The following CNTLN variants were observed in gnomAD, a reference collection of about 807,000 sequenced individuals.
CNTLN encodes the protein centlein.
In CNTLN, 212 loss-of-function variants were observed where a neutral mutation model predicts 180.0. The ratio of observed to expected loss-of-function variants is 1.18; its 90% CI spans 1.05 to 1.32. The LOEUF (loss-of-function observed/expected upper bound fraction) is 1.32. CNTLN is among the 40% of genes most tolerant of loss of function. The probability of loss-of-function intolerance (pLI) is 0.00; values close to 1 mark genes in which losing one functional copy is unlikely to be tolerated. For synonymous variants in CNTLN, 722 were observed against 563.1 expected (o/e 1.28, Z -3.99); for missense variants, 2,095 against 1,610.9 (o/e 1.30, Z -5.14).
At chr9:17,464,375 C>T in intron 20 of CNTLN, 122 bp from the exon 21 acceptor site, 1 of 738,488 alleles carries the variant, frequency 1.4e-6, no homozygotes, top group South Asian at 1.9e-5. Flanking sequence ...TACTGATTTA[C>T]AGTGTCAATA....
intron 9 of CNTLN, 125 bp from the exon 10 acceptor site, chr9:17,332,480 T>C (rs1287773219): frequency 3.6e-6 from 3 of 823,290 alleles, no homozygotes; most frequent in East Asian, 3.4e-5. Flanking sequence ...TGGTATTCCA[T>C]GCAGGATTTT....
rs183012491 is a variant in CNTLN at position 17,403,091 on chromosome 9, C to G, written c.2616-6202C>G. On this transcript the variant is annotated intron_variant, in intron 15 of 25. Transcript: ENST00000380647. Reference sequence around the variant, plus strand: ...GAAGGAAAAGTTGGAAGATTGGTGACAGGGAGGTCTGTGGGAAGGTTGGTG... The same window carrying G: ...GAAGGAAAAGTTGGAAGATTGGTGAGAGGGAGGTCTGTGGGAAGGTTGGTG... 2.8e-3 allele frequency among the ~76,000 whole-genome samples: 431 copies of G among 151,662 alleles called. 13 individuals carry two copies. Among genetic ancestry groups the G allele is most frequent in the Admixed American group, 0.025 (383 of 15,198 alleles).
chr9:17,420,539 C>A (rs565973626), intron 18 of CNTLN, among the ~76,000 whole-genome samples: 1 of 151,418 alleles, frequency 6.6e-6, no homozygotes, highest in Non-Finnish European at 1.5e-5. Flanking sequence ...TTGTTTTGTT[C>A]GTTTTAATTT....
At chr9:17,172,360 ACTT>A (rs1020494452) in intron 2 of CNTLN, among the ~76,000 whole-genome samples, 2 of 151,860 alleles carry the variant, frequency 1.3e-5, no homozygotes, top group African/African-American at 4.8e-5. Context: ...ATTTTCCTAC[ACTT>A]CTTCTTTGTT....
intron 2 of CNTLN, among the ~76,000 whole-genome samples, chr9:17,161,094 A>T (rs1045839053): frequency 1.3e-5 from 2 of 152,150 alleles, no homozygotes; most frequent in African/African-American, 2.4e-5. Flanking sequence ...AAGTTAAAAA[A>T]GTTCTCACTC....
intron 5 of CNTLN, among the ~76,000 whole-genome samples, chr9:17,239,536 C>G (rs1825362272): frequency 6.6e-6 from 1 of 152,000 alleles, no homozygotes; most frequent in African/African-American, 2.4e-5. Context: ...ATCTAAGAAA[C>G]CATTGCTAAT....
At position 17,467,001 on chromosome 9, in the gene CNTLN, A is replaced by C. The variant is rs1034575082; in HGVS notation, c.3855+110A>C. 3.9e-5 allele frequency: 25 copies of C among 646,734 alleles called. No homozygotes were observed. In the Admixed American group the frequency reaches 4.0e-4, roughly 10 times the overall value. The allele number at this position is 646,734 out of a possible 1,614,324, so 40.1% of individuals were successfully genotyped here. A position where few individuals can be genotyped will look rare whatever the true frequency, so the allele number is the denominator to read the frequency against. On this transcript the variant is annotated intron_variant, in intron 23 of 25. Transcript: ENST00000380647. ...GTTTCTTTCTGCTTTCCTAACACAGAAAGCATCTTCTTCTACCCTATTTAT... is the reference window on the plus strand; with the variant it reads ...GTTTCTTTCTGCTTTCCTAACACAGCAAGCATCTTCTTCTACCCTATTTAT...
intron 12 of CNTLN, among the ~76,000 whole-genome samples, chr9:17,359,723 T>G (rs76646317): frequency 5.7e-5 from 1 of 17,640 alleles, no homozygotes; most frequent in Non-Finnish European, 1.1e-4. Flanking sequence ...ATACTAAAAA[T>G]ACAAAAAAAA....
At chr9:17,218,248 A>G (rs567330267) in intron 2 of CNTLN, among the ~76,000 whole-genome samples, 1 of 152,212 alleles carries the variant, frequency 6.6e-6, no homozygotes, top group African/African-American at 2.4e-5. Context: ...AAGTAGATAT[A>G]TTAACTATAC....
chr9:17,180,597 CTG>C (rs1050460848), intron 2 of CNTLN, among the ~76,000 whole-genome samples: 18 of 151,824 alleles, frequency 1.2e-4, no homozygotes, highest in African/African-American at 4.1e-4. Flanking sequence ...CAAGGAAAGT[CTG>C]TTGTATTTAT....
At chr9:17,176,692 T>G (rs1049880547) in intron 2 of CNTLN, among the ~76,000 whole-genome samples, 3 of 152,192 alleles carry the variant, frequency 2.0e-5, no homozygotes, top group African/African-American at 7.2e-5. Flanking sequence ...GTGGAATTCT[T>G]TAGTAAATTA....
intron 8 of CNTLN, among the ~76,000 whole-genome samples, chr9:17,328,896 A>C (rs1820470141): frequency 6.6e-6 from 1 of 151,980 alleles, no homozygotes; most frequent in Non-Finnish European, 1.5e-5. Flanking sequence ...TAATATCATT[A>C]ATATAATATC....
intron 8 of CNTLN, among the ~76,000 whole-genome samples, chr9:17,318,370 G>C (rs551835778): frequency 6.6e-6 from 1 of 152,100 alleles, no homozygotes; most frequent in East Asian, 1.9e-4. Context: ...ATGCATTGCA[G>C]AAAACAGAAT....
chr9:17,189,984 T>A (rs114410488), intron 2 of CNTLN, among the ~76,000 whole-genome samples: 1 of 151,806 alleles, frequency 6.6e-6, no homozygotes, highest in African/African-American at 2.4e-5. Flanking sequence ...TGATTAATAC[T>A]CAGAACTTCC....
intron 7 of CNTLN, among the ~76,000 whole-genome samples, chr9:17,308,458 A>G (rs112356664): frequency 0.016 from 2,410 of 152,176 alleles, 69 homozygotes; most frequent in African/African-American, 0.055. Flanking sequence ...TCCTCCTAGC[A>G]GTAGATACTA....
At chr9:17,175,719 GGGAGAATT>G (rs1820678038) in intron 2 of CNTLN, among the ~76,000 whole-genome samples, 2 of 151,810 alleles carry the variant, frequency 1.3e-5, no homozygotes, top group African/African-American at 4.8e-5. Context: ...ATCAATTTGG[GGGAGAATT>G]GTTGACTCCT....
intron 5 of CNTLN, among the ~76,000 whole-genome samples, chr9:17,242,775 C>A (rs936214919): frequency 3.9e-5 from 6 of 152,130 alleles, no homozygotes; most frequent in African/African-American, 1.4e-4. Context: ...TTTTTGGTAT[C>A]AGTGTTCATC....
intron 7 of CNTLN, among the ~76,000 whole-genome samples, chr9:17,305,082 A>G (rs974378408): frequency 6.6e-6 from 1 of 152,132 alleles, no homozygotes; most frequent in Non-Finnish European, 1.5e-5. Context: ...TTAGTTCTTT[A>G]ACACTAATAA....
intron 2 of CNTLN, among the ~76,000 whole-genome samples, chr9:17,149,665 C>T (rs1006810859): frequency 6.6e-6 from 1 of 151,806 alleles, no homozygotes; most frequent in Non-Finnish European, 1.5e-5. Flanking sequence ...CTATAGGCGC[C>T]CGCCACCATG....
Sources: gnomAD v4.1 joint callset for allele counts (sites outside exome capture counted in the v4.1 genomes callset) on GRCh38, gnomAD v4.1.1 for gene constraint, MANE v1.5 for transcripts, NCBI Gene and HGNC (gene_info 2026-07-23, HGNC 2026-07-21) for gene names.